Variants in TNFRSF18 observed in about 807,000 individuals in gnomAD.
TNFRSF18 encodes the protein TNF receptor superfamily member 18, also known as tumor necrosis factor receptor superfamily member 18.
Under a neutral mutation model 30.2 loss-of-function variants are expected in TNFRSF18, and 36 were observed. The observed-to-expected ratio is 1.19, with a 90% confidence interval of 0.91 to 1.58. The LOEUF is 1.58. Among genes scored for constraint, TNFRSF18 ranks in the 40% most tolerant of loss-of-function variants. TNFRSF18 has a pLI of 0.00. For synonymous variants in TNFRSF18, 173 were observed against 158.3 expected (o/e 1.09, Z -0.70); for missense variants, 369 against 345.4 (o/e 1.07, Z -0.54).
chr1:1,206,386 C>T lies in TNFRSF18; in HGVS notation c.186G>A (p.Pro62=), dbSNP rs540452606. The change falls in exon 1 of 5, where the codon CCG becomes CCA. Residue 62 remains proline, a splice_region_variant and synonymous_variant. Transcript: ENST00000379268. ...VHTTRCCRDY[P]GEECCSEWDC... Reference sequence around the variant, plus strand: ...GTTAAGTAAACGCGGTTTACTTACCCGGGTAATCGCGGCAGCAGCGCGTCG... The same window carrying T: ...GTTAAGTAAACGCGGTTTACTTACCTGGGTAATCGCGGCAGCAGCGCGTCG... The T allele has an allele frequency of 1.7e-4, 257 of 1,546,902 alleles. 6 individuals carry two copies. In the South Asian group the frequency reaches 2.5e-3, roughly 15 times the overall value.
intron 2 of TNFRSF18, 122 bp from the exon 3 acceptor site, chr1:1,204,608 C>G: frequency 5.5e-6 from 4 of 730,768 alleles, no homozygotes; most frequent in South Asian, 3.2e-5. Context: ...GAATGCCCCC[C>G]CCATCATCCA....
chr1:1,204,500 TGGGGGGAG>T lies in TNFRSF18; in HGVS notation c.311-22_311-15del. On this transcript the variant is annotated splice_polypyrimidine_tract_variant and intron_variant, in intron 2 of 4. Coordinates refer to ENST00000379268, the MANE Select transcript of TNFRSF18 (RefSeq NM_004195.3). Reference sequence around the variant, plus strand: ...AACTGAATTTCCCTGGTGTGGGGTGTGGGGGGAGGGAGGGAGGGAGGCTGGTGGAGTTG... The same window carrying T: ...AACTGAATTTCCCTGGTGTGGGGTGTGGAGGGAGGGAGGCTGGTGGAGTTG... 2.0e-5 allele frequency: 7 copies of T among 354,520 alleles called. No homozygotes were observed. Among genetic ancestry groups the T allele is most frequent in the Non-Finnish European group, 3.9e-5 (7 of 181,014 alleles). The allele number at this position is 354,520 out of a possible 1,614,324, so 22.0% of individuals were successfully genotyped here.
chr1:1,206,107 C>G (rs1233959933), intron 1 of TNFRSF18, among the ~76,000 whole-genome samples: 2 of 152,192 alleles, frequency 1.3e-5, no homozygotes, highest in Admixed American at 1.3e-4. Flanking sequence ...GGACCTGGAA[C>G]AGCCGTCCTC....
intron 1 of TNFRSF18, 105 bp from the exon 2 acceptor site, chr1:1,205,597 A>C (rs908555044): frequency 1.5e-6 from 2 of 1,292,156 alleles, no homozygotes; most frequent in Non-Finnish European, 1.1e-6. Context: ...TTCTCCACCC[A>C]CAGTTGGCTC....
intron 1 of TNFRSF18, among the ~76,000 whole-genome samples, chr1:1,205,968 G>T (rs1051253924): frequency 3.9e-5 from 6 of 152,206 alleles, no homozygotes; most frequent in African/African-American, 1.2e-4. Flanking sequence ...CAGACCAGCC[G>T]TGTCAGCTGA....
Position 1,204,020 on chromosome 1 carries a change from A to G in TNFRSF18, c.601+14T>C. ...AGCCATGCTCCCACCTCCCCGCACCAGGCTGTGACAGACCTCGGGGCCACA... is the reference window on the plus strand; with the variant it reads ...AGCCATGCTCCCACCTCCCCGCACCGGGCTGTGACAGACCTCGGGGCCACA... On this transcript the variant is annotated intron_variant, in intron 4 of 4. Transcript: ENST00000379268. The G allele has an allele frequency of 1.2e-6, 2 of 1,607,690 alleles. No individual in the cohort carries two copies. The highest frequency in any genetic ancestry group is 1.7e-5 in the Admixed American group (1 of 59,464).
In TNFRSF18 at chr1:1,203,781, G is replaced by A. The variant is rs368511450; in HGVS notation, c.*63C>T. The A allele has an allele frequency of 8.0e-5, 125 of 1,566,064 alleles. No individual in the cohort carries two copies. Among genetic ancestry groups the A allele is most frequent in the Admixed American group, 5.3e-4 (29 of 55,040 alleles). ...GCCCAGAGCAGAACGCAGAGCCCCT[G>A]CGGCCTGGGGAGCTCCTGGGGAGGG... On this transcript the variant is annotated 3_prime_UTR_variant, in exon 5 of 5. Transcript: ENST00000379268.
chr1:1,204,071 G>A lies in TNFRSF18; in HGVS notation c.564C>T (p.His188=), dbSNP rs778902935. Residue 188 remains histidine, a synonymous_variant, in exon 4 of 5, where the codon CAC becomes CAT. Coordinates refer to ENST00000379268, the MANE Select transcript of TNFRSF18 (RefSeq NM_004195.3). ...LLLTSAQLGL[H]IWQLRSQCMW... is the part of the protein sequence containing the mutation. ...TGCACTGACTCCTCAGCTGCCAGAT[G>A]TGCAGTCCAAGCTGGGCCGAGGTCA... is the stretch of plus-strand genomic sequence containing the variant. The A allele has an allele frequency of 5.0e-6, 8 of 1,606,358 alleles. No homozygotes were observed. The highest frequency in any genetic ancestry group is 1.3e-5 in the African/African-American group (1 of 74,850).
At position 1,203,573 on chromosome 1, in the gene TNFRSF18, C is replaced by G; in HGVS notation, c.*271G>C. Reference sequence around the variant, plus strand: ...TCCCGTGCTGGGCACTGCACACCCACGGACACAGCCTCCCGTCCTAAGACC... The same window carrying G: ...TCCCGTGCTGGGCACTGCACACCCAGGGACACAGCCTCCCGTCCTAAGACC... On this transcript the variant is annotated 3_prime_UTR_variant, in exon 5 of 5. Transcript: ENST00000379268. 1 of 1,495,066 alleles carries G rather than the reference C, an allele frequency of 6.7e-7. No individual in the cohort carries two copies. Among genetic ancestry groups the G allele is most frequent in the Non-Finnish European group, 8.8e-7 (1 of 1,130,930 alleles). 92.6% of individuals were successfully genotyped at this position (1,495,066 alleles called of 1,614,324 possible). A position where few individuals can be genotyped will look rare whatever the true frequency, so the allele number is the denominator to read the frequency against.
chr1:1,204,118 CG>C lies in TNFRSF18; in HGVS notation c.516del (p.Val173TrpfsTer8). The stretch of plus-strand genomic sequence containing the variant: ...GTCAGGAGGAGGACGCAGGCGGCCA[CG>C]GCCAGGAGGACGACGGTCAGCCACC... ...PLGWLTVVLL[A>X]VAACVLLLTS... On this transcript the variant is annotated frameshift_variant, in exon 4 of 5. Transcript: ENST00000379268. LOFTEE classifies it high-confidence loss of function. The C allele has an allele frequency of 6.2e-7, 1 of 1,611,014 alleles. No homozygotes were observed. The highest frequency in any genetic ancestry group is 1.1e-5 in the South Asian group (1 of 90,796).
At position 1,205,274 on chromosome 1, in the gene TNFRSF18, A is replaced by G. The variant is rs11466690; in HGVS notation, c.310+96T>C. The G allele has an allele frequency of 2.5e-3, 3,775 of 1,532,018 alleles. 85 individuals carry two copies. The African/African-American group carries it at 0.044, about 18-fold the overall frequency. The allele number at this position is 1,532,018 out of a possible 1,614,324, so 94.9% of individuals were successfully genotyped here. ...CAGGACTCCGGACCCCACACACCAC[A>G]TGTCCTCGCCGGACACCTGTGCCCA... On this transcript the variant is annotated intron_variant, in intron 2 of 4. Coordinates refer to ENST00000379268, the MANE Select transcript of TNFRSF18 (RefSeq NM_004195.3).
Position 1,206,509 on chromosome 1 carries a change from C to T in TNFRSF18, c.63G>A (p.Ala21=), listed in dbSNP as rs373631144. The T allele has an allele frequency of 4.5e-6, 7 of 1,543,958 alleles. No individual in the cohort carries two copies. The highest frequency in any genetic ancestry group is 4.9e-5 in the East Asian group (2 of 40,596). The change falls in exon 1 of 5, where the codon GCG becomes GCA. Residue 21 remains alanine, a synonymous_variant. Coordinates refer to ENST00000379268, the MANE Select transcript of TNFRSF18 (RefSeq NM_004195.3). The stretch of plus-strand genomic sequence containing the variant: ...CGGTGGGGCGCTGACCCAGGCTGAG[C>T]GCGCACAGCAGCGCCAGGCCGCACA... The part of the protein sequence containing the change: ...RALCGLALLC[A]LSLGQRPTGG...
rs534020550 is a variant in TNFRSF18 at position 1,204,175 on chromosome 1, C to A, written c.460G>T (p.Val154Phe). 1 of 1,611,972 alleles carries A rather than the reference C, an allele frequency of 6.2e-7. No homozygotes were observed. Among genetic ancestry groups the A allele is most frequent in the Non-Finnish European group, 8.5e-7 (1 of 1,179,642 alleles). ...PGNKTHNAVC[V>F]PGSPPAEPLG... The stretch of plus-strand genomic sequence containing the variant: ...GGCTCTGCCGGCGGGGACCCTGGGA[C>A]GCACACAGCGTTGTGGGTCTTGTTC... The change falls in exon 4 of 5, where the codon GTC becomes TTC. Residue 154 changes from valine (V) to phenylalanine (F), a missense_variant. By Grantham distance (50) the Val-to-Phe change is conservative. Transcript: ENST00000379268.
At position 1,206,419 on chromosome 1, in the gene TNFRSF18, C is replaced by T; in HGVS notation, c.153G>A (p.Arg51=). 6.5e-7 allele frequency: 1 copy of T among 1,547,376 alleles called. No homozygotes were observed. Among genetic ancestry groups the T allele is most frequent in the Non-Finnish European group, 8.7e-7 (1 of 1,146,258 alleles). Residue 51 remains arginine (R), a synonymous_variant, in exon 1 of 5, where the codon CGG becomes CGA. Transcript: ENST00000379268. ...LGTGTDARCC[R]VHTTRCCRDY... The stretch of plus-strand genomic sequence containing the variant: ...CGCGGCAGCAGCGCGTCGTGTGAAC[C>T]CGGCAGCAGCGCGCGTCCGTTCCCG...
rs1283204429 is a variant in TNFRSF18, at chr1:1,205,446, T to A, written c.234A>T (p.Glu78Asp). Residue 78 changes from glutamate (E) to aspartate (D), a missense_variant, in exon 2 of 5, where the codon GAA becomes GAT. By Grantham distance (45) the Glu-to-Asp change is conservative. Transcript: ENST00000379268. ...SEWDCMCVQP[E>D]FHCGDPCCTT... ...TGCAGCAAGGGTCTCCGCAGTGGAA[T>A]TCAGGCTGGACACACATGCAGTCCC... The A allele has an allele frequency of 6.2e-7, 1 of 1,612,538 alleles. No individual in the cohort carries two copies. The highest frequency in any genetic ancestry group is 1.1e-5 in the South Asian group (1 of 91,088).
Position 1,203,869 on chromosome 1 carries a change from C to A in TNFRSF18, c.701G>T (p.Gly234Val). 1 of 1,600,520 alleles carries A rather than the reference C, an allele frequency of 6.2e-7. No individual in the cohort carries two copies. The highest frequency in any genetic ancestry group is 1.3e-5 in the African/African-American group (1 of 74,922). ...ERGERSAEEK[G>V]RLGDLWV Reference sequence around the variant, plus strand: ...TCACACCCACAGGTCTCCCAGCCGCCCCTTCTCCTCTGCCGATCGCTCGCC... The same window carrying A: ...TCACACCCACAGGTCTCCCAGCCGCACCTTCTCCTCTGCCGATCGCTCGCC... The change falls in exon 5 of 5, where the codon GGG becomes GTG. Residue 234 changes from glycine (G) to valine (V), a missense_variant. Coordinates refer to ENST00000379268, the MANE Select transcript of TNFRSF18 (RefSeq NM_004195.3).
Position 1,203,866 on chromosome 1 carries a change from C to T in TNFRSF18, c.704G>A (p.Arg235Gln), listed in dbSNP as rs780325837. The T allele has an allele frequency of 9.4e-6, 15 of 1,598,460 alleles. No individual in the cohort carries two copies. Among genetic ancestry groups the T allele is most frequent in the East Asian group, 6.7e-5 (3 of 44,486 alleles). The change falls in exon 5 of 5, where the codon CGG becomes CAG. Residue 235 changes from arginine to glutamine, a missense_variant. By Grantham distance (43) the Arg-to-Gln change is conservative. Coordinates refer to ENST00000379268, the MANE Select transcript of TNFRSF18 (RefSeq NM_004195.3). ...GGCTCACACCCACAGGTCTCCCAGC[C>T]GCCCCTTCTCCTCTGCCGATCGCTC... ...RGERSAEEKG[R>Q]LGDLWV
At chr1:1,204,609 C>A (rs1648723259) in intron 2 of TNFRSF18, 123 bp from the exon 3 acceptor site, 3 of 725,566 alleles carry the variant, frequency 4.1e-6, no homozygotes, top group East Asian at 2.7e-5. Context: ...AATGCCCCCC[C>A]CATCATCCAT....
intron 1 of TNFRSF18, 107 bp downstream of exon 1, chr1:1,206,275 CCTT>C (rs942391912): frequency 3.5e-5 from 46 of 1,313,492 alleles, no homozygotes; most frequent in Non-Finnish European, 4.7e-5. Flanking sequence ...TGCCCACCCT[CCTT>C]AGACCTCAGC....
Sources: gnomAD v4.1 joint callset for allele counts (sites outside exome capture counted in the v4.1 genomes callset) on GRCh38, gnomAD v4.1.1 for gene constraint, MANE v1.5 for transcripts, NCBI Gene and HGNC (gene_info 2026-07-23, HGNC 2026-07-21) for gene names.